Variants in FGF12 observed in about 807,000 individuals in gnomAD.
FGF12 encodes fibroblast growth factor 12, also known as fibroblast growth factor 12B.
FGF12 carries 14 observed loss-of-function variants against 23.6 expected under a neutral mutation model. The ratio of observed to expected loss-of-function variants is 0.59; its 90% CI spans 0.39 to 0.93. The LOEUF is 0.93. Among genes scored for constraint, FGF12 ranks in the 40% least tolerant of loss-of-function variants. The pLI, the probability that FGF12 is intolerant of heterozygous loss-of-function variation, is 0.00. For missense variants in FGF12, 175 were observed against 217.8 expected, an observed-to-expected ratio of 0.80 and a Z score of 1.24; for synonymous variants, 62 against 77.3, an observed-to-expected ratio of 0.80 and a Z score of 1.04.
chr3:192,418,616 C>A (rs557626182), intron 2 of FGF12, among the ~76,000 whole-genome samples: 1 of 152,154 alleles, frequency 6.6e-6, no homozygotes, highest in African/African-American at 2.4e-5. Flanking sequence ...TGAGGAGGCG[C>A]CAGGTTGGAG....
At chr3:192,640,441 A>G (rs747410174) in intron 2 of FGF12, among the ~76,000 whole-genome samples, 1 of 152,216 alleles carries the variant, frequency 6.6e-6, no homozygotes, top group Non-Finnish European at 1.5e-5. Context: ...CTAATTTTAT[A>G]TATCACATAT....
intron 2 of FGF12, among the ~76,000 whole-genome samples, chr3:192,673,495 A>G (rs890075090): frequency 6.6e-6 from 1 of 150,836 alleles, no homozygotes; most frequent in South Asian, 2.1e-4. Flanking sequence ...TCACCTAGGT[A>G]TTAAGCCCCC....
At chr3:192,439,976 GAAA>G (rs5855427) in intron 2 of FGF12, among the ~76,000 whole-genome samples, 4 of 114,156 alleles carry the variant, frequency 3.5e-5, no homozygotes, top group East Asian at 2.5e-4. Flanking sequence ...ACTCCATATG[GAAA>G]AAAAAAAAAA....
chr3:192,178,069 T>G (rs1056390260), intron 4 of FGF12, among the ~76,000 whole-genome samples: 2 of 152,244 alleles, frequency 1.3e-5, no homozygotes, highest in South Asian at 4.1e-4. Context: ...TCATAAAATC[T>G]GAATTTTTTC....
chr3:192,666,255 G>A (rs1716869209), intron 2 of FGF12, among the ~76,000 whole-genome samples: 1 of 151,986 alleles, frequency 6.6e-6, no homozygotes, highest in Non-Finnish European at 1.5e-5. Context: ...ATATAGCTTT[G>A]CTTAATTTAA....
intron 2 of FGF12, among the ~76,000 whole-genome samples, chr3:192,691,194 C>T (rs980584035): frequency 1.3e-5 from 2 of 152,024 alleles, no homozygotes; most frequent in Non-Finnish European, 2.9e-5. Flanking sequence ...AGCCTAACAG[C>T]CATTTACAGA....
intron 2 of FGF12, among the ~76,000 whole-genome samples, chr3:192,395,222 C>T (rs1446936119): frequency 1.3e-5 from 2 of 152,114 alleles, no homozygotes; most frequent in East Asian, 1.9e-4. Flanking sequence ...TAGAAACTGC[C>T]CCCTGCATCA....
intron 4 of FGF12, among the ~76,000 whole-genome samples, chr3:192,199,748 CT>C (rs1404355553): frequency 6.6e-6 from 1 of 152,190 alleles, no homozygotes; most frequent in Non-Finnish European, 1.5e-5. Flanking sequence ...TTTATGAGAT[CT>C]AACTCCTCCC....
Position 192,345,657 on chromosome 3 carries a change from A to G in FGF12, c.125-10193T>C, listed in dbSNP as rs1254821218. On this transcript the variant is annotated intron_variant, in intron 3 of 5. Coordinates refer to ENST00000445105, the MANE Select transcript of FGF12 (RefSeq NM_004113.6). Reference sequence around the variant, plus strand: ...AGCCGAGATCGCGCCACTGCACTCCAGCCTGGGCGACAGAGCGAGACTCCG... The same window carrying G: ...AGCCGAGATCGCGCCACTGCACTCCGGCCTGGGCGACAGAGCGAGACTCCG... Among the ~76,000 whole-genome samples, 6 of 143,016 alleles carry G rather than the reference A, an allele frequency of 4.2e-5. 2 individuals are homozygous for G. The highest frequency in any genetic ancestry group is 6.0e-5 in the Non-Finnish European group (4 of 66,492). 93.8% of individuals were successfully genotyped at this position (143,016 alleles called of 152,430 possible). A position where few individuals can be genotyped will look rare whatever the true frequency, so the allele number is the denominator to read the frequency against.
intron 4 of FGF12, among the ~76,000 whole-genome samples, chr3:192,318,237 C>T (rs138463423): frequency 2.2e-4 from 34 of 152,192 alleles, no homozygotes; most frequent in African/African-American, 8.2e-4. Flanking sequence ...AAAACATGGC[C>T]TCAACAAATG....
chr3:192,643,178 G>A (rs896186264), intron 2 of FGF12, among the ~76,000 whole-genome samples: 1 of 151,978 alleles, frequency 6.6e-6, no homozygotes, highest in Non-Finnish European at 1.5e-5. Flanking sequence ...AAACAGTGGT[G>A]GATCATTTAG....
intron 2 of FGF12, among the ~76,000 whole-genome samples, chr3:192,384,325 T>C (rs1033577956): frequency 6.6e-6 from 1 of 152,112 alleles, no homozygotes; most frequent in Non-Finnish European, 1.5e-5. Flanking sequence ...TGAAAAAGGA[T>C]TGGGGACTAT....
chr3:192,234,865 C>A (rs2108588348), intron 4 of FGF12, among the ~76,000 whole-genome samples: 1 of 152,266 alleles, frequency 6.6e-6, no homozygotes, highest in South Asian at 2.1e-4. Flanking sequence ...ATATGATGAG[C>A]CAATCTTACA....
chr3:192,418,320 C>T (rs139833545), intron 2 of FGF12, among the ~76,000 whole-genome samples: 3 of 152,112 alleles, frequency 2.0e-5, no homozygotes, highest in Admixed American at 2.0e-4. Context: ...AGCTGTATCT[C>T]TGGGGTGAGT....
chr3:192,192,110 C>T (rs1716823661), intron 4 of FGF12, among the ~76,000 whole-genome samples: 1 of 152,042 alleles, frequency 6.6e-6, no homozygotes, highest in Non-Finnish European at 1.5e-5. Flanking sequence ...CTCATTGGAT[C>T]CAAAAACTTT....
chr3:192,402,875 G>A (rs1237785143), intron 2 of FGF12, among the ~76,000 whole-genome samples: 2 of 152,118 alleles, frequency 1.3e-5, no homozygotes, highest in Non-Finnish European at 2.9e-5. Context: ...TAGATGTGGT[G>A]CACCTTTCTT....
intron 4 of FGF12, among the ~76,000 whole-genome samples, chr3:192,332,074 A>C (rs561690135): frequency 1.3e-5 from 2 of 152,158 alleles, no homozygotes; most frequent in Non-Finnish European, 2.9e-5. Flanking sequence ...TTCTATGCAT[A>C]AAATTATTCA....
Position 192,443,813 on chromosome 3 carries a change from A to T in FGF12, c.14-83275T>A, listed in dbSNP as rs149968995. Among the ~76,000 whole-genome samples, 9 of 152,318 alleles carry T rather than the reference A, an allele frequency of 5.9e-5. No homozygotes were observed. The East Asian group carries it at 1.7e-3, about 29-fold the overall frequency. ...AGGATGGAAATTCCCCATCATGGTC[A>T]AGTTCTGCTCCATGATGCACACACA... is the stretch of plus-strand genomic sequence containing the variant. On this transcript the variant is annotated intron_variant, in intron 2 of 5. Transcript: ENST00000445105.
At chr3:192,263,312 T>A (rs2108619594) in intron 4 of FGF12, among the ~76,000 whole-genome samples, 1 of 152,230 alleles carries the variant, frequency 6.6e-6, no homozygotes, top group East Asian at 1.9e-4. Flanking sequence ...CTAACTACAT[T>A]GGGCCTTAGC....
Sources: allele counts gnomAD v4.1 joint callset (sites outside exome capture counted in the v4.1 genomes callset), GRCh38; gene constraint gnomAD v4.1.1; transcripts MANE v1.5; gene names NCBI Gene and HGNC (gene_info 2026-07-23, HGNC 2026-07-21).